The following PRKCH variants were observed in gnomAD, a reference collection of about 807,000 sequenced individuals.
PRKCH encodes protein kinase C eta type.
In PRKCH, 28 loss-of-function variants were observed where a neutral mutation model predicts 82.5. The observed-to-expected ratio is 0.34, with a 90% confidence interval of 0.25 to 0.47. The LOEUF (loss-of-function observed/expected upper bound fraction) is 0.47. Ranked by LOEUF, PRKCH falls within the 20% of genes least tolerant of loss-of-function variation. The pLI is 1.00. For synonymous variants in PRKCH, 322 were observed against 327.4 expected, an observed-to-expected ratio of 0.98 and a Z score of 0.18; for missense variants, 705 against 881.8, an observed-to-expected ratio of 0.80 and a Z score of 2.54.
chr14:61,367,650 T>A (rs949352973), intron 1 of PRKCH, among the ~76,000 whole-genome samples: 13 of 151,742 alleles, frequency 8.6e-5, no homozygotes, highest in African/African-American at 3.2e-4. Flanking sequence ...ATTTGTGTCC[T>A]GCTTGTGACT....
chr14:61,403,229 T>G (rs56802456), intron 2 of PRKCH, among the ~76,000 whole-genome samples: 13,874 of 152,266 alleles, frequency 0.091, 898 homozygotes, highest in East Asian at 0.32. Flanking sequence ...ATTTCTAATT[T>G]GACAAATATC....
chr14:61,188,469 G>A (rs2044381010), intron 1 of PRKCH, among the ~76,000 whole-genome samples: 1 of 135,556 alleles, frequency 7.4e-6, no homozygotes, highest in Non-Finnish European at 1.6e-5. Flanking sequence ...AGCGGCTCGG[G>A]CAGGCGGCCT....
intron 1 of PRKCH, among the ~76,000 whole-genome samples, chr14:61,257,212 A>G (rs187958905): frequency 1.2e-3 from 185 of 152,354 alleles, no homozygotes; most frequent in African/African-American, 3.6e-3. Context: ...AGTTAATAAT[A>G]TTACCACTAT....
At chr14:61,412,822 G>T (rs1483587266) in intron 2 of PRKCH, among the ~76,000 whole-genome samples, 9 of 151,994 alleles carry the variant, frequency 5.9e-5, no homozygotes, top group Admixed American at 5.9e-4. Context: ...TGCAAGATCT[G>T]CCATCTTTAT....
chr14:61,221,749 C>T (rs61990845), intron 1 of PRKCH, among the ~76,000 whole-genome samples: 9,809 of 152,214 alleles, frequency 0.064, 614 homozygotes, highest in Admixed American at 0.21. Context: ...TCAGGCCCTC[C>T]AGACCCCCCA....
chr14:61,351,353 C>G (rs968738864), intron 1 of PRKCH, among the ~76,000 whole-genome samples: 1 of 152,168 alleles, frequency 6.6e-6, no homozygotes, highest in Non-Finnish European at 1.5e-5. Flanking sequence ...ATTCTGCCAC[C>G]CTTCCTGGAG....
chr14:61,316,828 A>C (rs1303490078), upstream of PRKCH, among the ~76,000 whole-genome samples: 5 of 152,196 alleles, frequency 3.3e-5, no homozygotes, highest in Non-Finnish European at 4.4e-5. Context: ...TAAGCTGGGA[A>C]TGTAGGAAGT....
chr14:61,417,424 G>A (rs915944816), intron 2 of PRKCH, among the ~76,000 whole-genome samples: 1 of 152,190 alleles, frequency 6.6e-6, no homozygotes, highest in East Asian at 1.9e-4. Flanking sequence ...TCTTCAAATG[G>A]TCTGGCTTAG....
At chr14:61,536,796 C>G (rs1168426729) in intron 12 of PRKCH, among the ~76,000 whole-genome samples, 1 of 152,158 alleles carries the variant, frequency 6.6e-6, no homozygotes, top group Non-Finnish European at 1.5e-5. Flanking sequence ...CCAGCATCTT[C>G]TGACCACTAA....
intron 2 of PRKCH, among the ~76,000 whole-genome samples, chr14:61,439,743 T>C (rs72728055): frequency 0.054 from 8,148 of 152,162 alleles, 429 homozygotes; most frequent in Admixed American, 0.16. Context: ...TTAAGGCTAA[T>C]TTAACTCTTA....
intron 10 of PRKCH, among the ~76,000 whole-genome samples, chr14:61,496,387 A>G (rs1386108914): frequency 2.0e-5 from 3 of 152,212 alleles, no homozygotes; most frequent in Non-Finnish European, 2.9e-5. Flanking sequence ...ACTCCATGAT[A>G]TCCTTTTGAA....
At chr14:61,188,616 GTGTGTGTGT>G (rs1345988731) in intron 1 of PRKCH, among the ~76,000 whole-genome samples, 744 of 34,538 alleles carry the variant, frequency 0.022, 83 homozygotes, top group Middle Eastern at 0.074. Context: ...GGTGTGGTGT[GTGTGTGTGT>G]GTGTGTGTGT....
chr14:61,313,599 C>G (rs2045540907), intron 1 of PRKCH, among the ~76,000 whole-genome samples: 2 of 152,098 alleles, frequency 1.3e-5, no homozygotes, highest in Non-Finnish European at 2.9e-5. Flanking sequence ...TTGATAAAGA[C>G]ATACCCGAGA....
At chr14:61,262,765 G>A (rs554099398) in intron 1 of PRKCH, among the ~76,000 whole-genome samples, 1 of 152,028 alleles carries the variant, frequency 6.6e-6, no homozygotes, top group Admixed American at 6.5e-5. Context: ...AAAAAAAAAT[G>A]AGGAAATCAA....
intron 4 of PRKCH, among the ~76,000 whole-genome samples, chr14:61,448,619 A>G (rs1884339377): frequency 6.6e-6 from 1 of 152,142 alleles, no homozygotes; most frequent in Non-Finnish European, 1.5e-5. Flanking sequence ...ACATTTTCTG[A>G]GTTACATCTT....
chr14:61,209,849 A>C (rs947824734), intron 1 of PRKCH, among the ~76,000 whole-genome samples: 1 of 151,800 alleles, frequency 6.6e-6, no homozygotes, highest in Non-Finnish European at 1.5e-5. Flanking sequence ...TATTATTTCC[A>C]TCTTTATGTC....
intron 2 of PRKCH, among the ~76,000 whole-genome samples, chr14:61,419,646 G>T (rs1882731176): frequency 6.6e-6 from 1 of 152,220 alleles, no homozygotes; most frequent in African/African-American, 2.4e-5. Flanking sequence ...GACTGTTAGT[G>T]TTTGAGACCT....
chr14:61,228,437 A>G (rs1266627432), intron 1 of PRKCH, among the ~76,000 whole-genome samples: 2 of 152,184 alleles, frequency 1.3e-5, no homozygotes, highest in Admixed American at 6.5e-5. Context: ...TGCTGTGTCA[A>G]TAGAAGCCAC....
intron 1 of PRKCH, among the ~76,000 whole-genome samples, chr14:61,348,612 A>C (rs2046028659): frequency 6.6e-6 from 1 of 152,208 alleles, no homozygotes; most frequent in African/African-American, 2.4e-5. Context: ...CTGGGTTTAC[A>C]CCCACCTTGG....
Sources: allele counts gnomAD v4.1 joint callset (sites outside exome capture counted in the v4.1 genomes callset), GRCh38; gene constraint gnomAD v4.1.1; transcripts MANE v1.5; gene names NCBI Gene and HGNC (gene_info 2026-07-23, HGNC 2026-07-21).